The following ST18 variants were observed in gnomAD, a reference collection of about 807,000 sequenced individuals.
ST18 encodes ST18 C2H2C-type zinc finger transcription factor, also known as suppression of tumorigenicity 18 protein.
A neutral mutation model predicts 110.0 loss-of-function variants in ST18; 50 were observed. That is an observed-to-expected ratio of 0.45 (90% CI 0.36 to 0.58). ST18 has a LOEUF of 0.58. Among genes scored for constraint, ST18 ranks in the 20% least tolerant of loss-of-function variants. The pLI is 0.00. For synonymous variants in ST18, 461 were observed against 452.4 expected (o/e 1.02, Z -0.24); for missense variants, 1,306 against 1,280.1 (o/e 1.02, Z -0.31).
intron 5 of ST18, 81 bp downstream of exon 5, chr8:52,220,660 G>A (rs562112017): frequency 6.6e-6 from 1 of 152,192 alleles, no homozygotes; most frequent in East Asian, 1.9e-4. Flanking sequence ...TTGTAGAGGA[G>A]AGCTTTCGTA....
At chr8:52,333,189 A>G (rs1244793223) in intron 2 of ST18, among the ~76,000 whole-genome samples, 3 of 152,196 alleles carry the variant, frequency 2.0e-5, no homozygotes, top group African/African-American at 7.2e-5. Flanking sequence ...GAGGTATTAA[A>G]GAGGAAATTC....
chr8:52,150,280 GTA>G (rs202207483), intron 15 of ST18, among the ~76,000 whole-genome samples: 1,563 of 146,394 alleles, frequency 0.011, 24 homozygotes, highest in African/African-American at 0.039. Flanking sequence ...GTGTGTGTGT[GTA>G]TATATATGTG....
chr8:52,131,778 A>G (rs1449272004), intron 22 of ST18, among the ~76,000 whole-genome samples, 180 bp downstream of exon 22: 1 of 152,200 alleles, frequency 6.6e-6, no homozygotes, highest in Non-Finnish European at 1.5e-5. Flanking sequence ...AGAAATAGAG[A>G]GAATAACATT....
rs570842173 is a variant in ST18 at position 52,131,854 on chromosome 8, A to G, written c.2666+104T>C. 1.1e-5 allele frequency: 11 copies of G among 980,402 alleles called. No homozygotes were observed. The South Asian group carries it at 1.8e-4, about 16-fold the overall frequency. 60.7% of individuals were successfully genotyped at this position (980,402 alleles called of 1,614,324 possible). On this transcript the variant is annotated intron_variant, in intron 22 of 25. Coordinates refer to ENST00000689386, the MANE Select transcript of ST18 (RefSeq NM_001352837.2). ...TTCATGTTATGACATCTCAACTGCTACAGTGAACAACCTTTAGGGGGTTGT... is the reference window on the plus strand; with the variant it reads ...TTCATGTTATGACATCTCAACTGCTGCAGTGAACAACCTTTAGGGGGTTGT...
At chr8:52,285,355 T>C (rs1231514306) in intron 2 of ST18, among the ~76,000 whole-genome samples, 1 of 152,224 alleles carries the variant, frequency 6.6e-6, no homozygotes, top group Non-Finnish European at 1.5e-5. Context: ...CGATGGAACT[T>C]CTTGTTCCAT....
At chr8:52,409,773 G>C (rs150257506), upstream of ST18, 1 of 152,266 alleles carries the variant, frequency 6.6e-6, no homozygotes, top group Non-Finnish European at 1.5e-5. Flanking sequence ...CAGAGGCGCT[G>C]CAACTTGCTA....
At position 52,259,032 on chromosome 8, in the gene ST18, C is replaced by T. The variant is rs1349305819; in HGVS notation, c.-464-28955G>A. Among the ~76,000 whole-genome samples, 9 of 152,294 alleles carry T rather than the reference C, an allele frequency of 5.9e-5. No homozygotes were observed. In the East Asian group the frequency reaches 1.4e-3, roughly 23 times the overall value. ...GGTGCTGGCCAGACCTCATCCCTAG[C>T]TGTCCCTCTAAAACCTGCTGAGACA... On this transcript the variant is annotated intron_variant, in intron 2 of 25. Coordinates refer to ENST00000689386, the MANE Select transcript of ST18 (RefSeq NM_001352837.2).
chr8:52,408,788 T>C (rs146791465), intron 2 of ST18, among the ~76,000 whole-genome samples: 2 of 152,356 alleles, frequency 1.3e-5, no homozygotes, highest in African/African-American at 4.8e-5. Flanking sequence ...TCAGTGCCTG[T>C]ATTCCAGTAA....
chr8:52,357,723 A>ATTTATT (rs1306012548), intron 2 of ST18, among the ~76,000 whole-genome samples: 8 of 78,078 alleles, frequency 1.0e-4, no homozygotes, highest in African/African-American at 7.6e-4. Context: ...ATATATATAT[A>ATTTATT]TATATATAAA....
chr8:52,330,829 C>A (rs1808940390), intron 2 of ST18, among the ~76,000 whole-genome samples: 1 of 152,184 alleles, frequency 6.6e-6, no homozygotes, highest in South Asian at 2.1e-4. Context: ...CCTCTATAAA[C>A]CACGTGTGTG....
At position 52,163,987 on chromosome 8, in the gene ST18, T is replaced by A; in HGVS notation, c.1399A>T (p.Arg467Trp). The change falls in exon 13 of 26, where the codon AGG becomes TGG. Residue 467 changes from arginine to tryptophan, a missense_variant and splice_region_variant. Physicochemically the swap from Arg to Trp is moderately radical, Grantham distance 101. Coordinates refer to ENST00000689386, the MANE Select transcript of ST18 (RefSeq NM_001352837.2). ...QTGQCPDQAH[R>W]TSLVKQIEFN... ...GAGAACATCGTTAGGGGTTCATACC[T>A]GTGGGCCTGGTCAGGACACTGCCCA... 6.2e-7 allele frequency: 1 copy of A among 1,612,780 alleles called. No homozygotes were observed. Among genetic ancestry groups the A allele is most frequent in the Non-Finnish European group, 8.5e-7 (1 of 1,178,912 alleles).
Position 52,143,017 on chromosome 8 carries a change from A to G in ST18, c.2081T>C (p.Leu694Ser), listed in dbSNP as rs776026192. 2 of 1,613,770 alleles carry G rather than the reference A, an allele frequency of 1.2e-6. No homozygotes were observed. Among genetic ancestry groups the G allele is most frequent in the Non-Finnish European group, 1.7e-6 (2 of 1,179,710 alleles). Residue 694 changes from leucine to serine, a missense_variant, in exon 17 of 26, where the codon TTA (leucine) becomes TCA (serine). Transcript: ENST00000689386. Reference sequence around the variant, plus strand: ...CTCTCCAGGAAACTTTTTTTCCTCTAAATTTTCTAGAGAGCTCACTGGGTC... The same window carrying G: ...CTCTCCAGGAAACTTTTTTTCCTCTGAATTTTCTAGAGAGCTCACTGGGTC... ...EKDPVSSLENLEEKKFPGEAS... is the reference protein window; with the variant it reads ...EKDPVSSLENSEEKKFPGEAS...
At chr8:52,203,573 T>C (rs780837467) in intron 8 of ST18, among the ~76,000 whole-genome samples, 27 of 152,322 alleles carry the variant, frequency 1.8e-4, no homozygotes, top group Non-Finnish European at 3.8e-4. Context: ...AAAAAATTTA[T>C]GAGGTGTCAG....
At position 52,112,079 on chromosome 8, in the gene ST18, T is replaced by G. The variant is rs772044561; in HGVS notation, c.*1119A>C. ...TTGAATGTTGTCTTGTTTCCTATGGTGGGTGAGACCCAAGGTGCCAGTGTT... is the reference window on the plus strand; with the variant it reads ...TTGAATGTTGTCTTGTTTCCTATGGGGGGTGAGACCCAAGGTGCCAGTGTT... On this transcript the variant is annotated 3_prime_UTR_variant, in exon 26 of 26. Transcript: ENST00000689386. 1 of 152,596 alleles carries G rather than the reference T, an allele frequency of 6.6e-6. No homozygotes were observed. Among genetic ancestry groups the G allele is most frequent in the African/African-American group, 2.4e-5 (1 of 41,434 alleles). The allele number at this position is 152,596 out of a possible 1,614,324, so 9.5% of individuals were successfully genotyped here.
At chr8:52,404,756 T>C (rs1843888271) in intron 2 of ST18, 1 of 152,194 alleles carries the variant, frequency 6.6e-6, no homozygotes, top group African/African-American at 2.4e-5. Flanking sequence ...TAACCAACGC[T>C]TTAGAAAAAG....
At chr8:52,373,626 C>T (rs550142506) in intron 2 of ST18, among the ~76,000 whole-genome samples, 67 of 152,268 alleles carry the variant, frequency 4.4e-4, no homozygotes, top group African/African-American at 1.5e-3. Flanking sequence ...CCTCCTAGGC[C>T]ACTGGACAAC....
intron 8 of ST18, among the ~76,000 whole-genome samples, chr8:52,184,238 A>G (rs1464558329): frequency 3.3e-5 from 5 of 152,212 alleles, no homozygotes; most frequent in African/African-American, 1.2e-4. Flanking sequence ...CTAGTAGATG[A>G]AAAAGAAGAG....
intron 8 of ST18, among the ~76,000 whole-genome samples, chr8:52,188,408 T>C (rs1588052562): frequency 6.6e-6 from 1 of 152,252 alleles, no homozygotes; most frequent in East Asian, 1.9e-4. Context: ...GGCCCTGAGA[T>C]AGCACCGTGC....
chr8:52,245,237 G>A (rs535783320), intron 2 of ST18, among the ~76,000 whole-genome samples: 120 of 152,152 alleles, frequency 7.9e-4, no homozygotes, highest in Non-Finnish European at 1.4e-3. Context: ...TTACAAATTA[G>A]ATTTTCAATA....
Sources: gnomAD v4.1 joint callset for allele counts (sites outside exome capture counted in the v4.1 genomes callset) on GRCh38, gnomAD v4.1.1 for gene constraint, MANE v1.5 for transcripts, NCBI Gene and HGNC (gene_info 2026-07-23, HGNC 2026-07-21) for gene names.